The following C13orf46 variants were observed in gnomAD, a reference collection of about 807,000 sequenced individuals.
C13orf46 encodes the protein chromosome 13 open reading frame 46, also known as uncharacterized protein C13orf46.
At chr13:113,941,500 G>C in the C13orf46 span, among the ~76,000 whole-genome samples, 17 of 150,704 alleles carry the variant, frequency 1.1e-4, no homozygotes, top group Admixed American at 9.9e-4. Flanking sequence ...CTGAGCGTTC[G>C]AGACCCTGAT....
chr13:113,953,016 T>C (rs2052495567), downstream of C13orf46, among the ~76,000 whole-genome samples: 1 of 152,212 alleles, frequency 6.6e-6, no homozygotes, highest in African/African-American at 2.4e-5. Flanking sequence ...AAGCCCAGCC[T>C]CGTCCCCTCC....
chr13:113,945,620 G>GA, the C13orf46 span, among the ~76,000 whole-genome samples: 15 of 119,538 alleles, frequency 1.3e-4, 1 homozygote, highest in African/African-American at 2.9e-4. Context: ...AAGAAAGAAA[G>GA]AAAGAAAGAA....
Position 113,955,163 on chromosome 13 carries a change from A to AGGAGAGGAGCAGCATCTGGT in C13orf46, c.*1609_*1610insACCAGATGCTGCTCCTCTCC. The AGGAGAGGAGCAGCATCTGGT allele has an allele frequency of 5.3e-6, 1 of 188,904 alleles. No homozygotes were observed. The highest frequency in any genetic ancestry group is 9.9e-6 in the Non-Finnish European group (1 of 100,826). The allele number at this position is 188,904 out of a possible 1,614,324, so 11.7% of individuals were successfully genotyped here. A position where few individuals can be genotyped will look rare whatever the true frequency, so the allele number is the denominator to read the frequency against. On this transcript the variant is annotated 3_prime_UTR_variant, in exon 7 of 7. Coordinates refer to ENST00000636427, the MANE Select transcript of C13orf46 (RefSeq NM_001365455.2). Reference sequence around the variant, plus strand: ...TCCGGTGGAGATGAGGAGCATCTCGAGGAGAGGAGGAGCATCTGGTGGAGA... The same window carrying AGGAGAGGAGCAGCATCTGGT: ...TCCGGTGGAGATGAGGAGCATCTCGAGGAGAGGAGCAGCATCTGGTGGAGAGGAGGAGCATCTGGTGGAGA...
intron 6 of C13orf46, among the ~76,000 whole-genome samples, chr13:113,960,583 C>A (rs1407329416): frequency 6.6e-6 from 1 of 152,220 alleles, no homozygotes; most frequent in African/African-American, 2.4e-5. Flanking sequence ...AGTTCTAACT[C>A]TGCTGTTTAA....
At chr13:113,961,179 C>T (rs2138982322) in intron 6 of C13orf46, among the ~76,000 whole-genome samples, 1 of 152,262 alleles carries the variant, frequency 6.6e-6, no homozygotes, top group African/African-American at 2.4e-5. Flanking sequence ...TAAACAATTA[C>T]ATTTGGTAAA....
At chr13:113,964,738 G>A (rs1373959112) in intron 6 of C13orf46, among the ~76,000 whole-genome samples, 189 bp downstream of exon 6, 2 of 152,298 alleles carry the variant, frequency 1.3e-5, no homozygotes, top group East Asian at 3.9e-4. Context: ...AAGGTCCGAT[G>A]TCCTGTTCCC....
intron 6 of C13orf46, among the ~76,000 whole-genome samples, chr13:113,963,361 G>A (rs1199910491): frequency 4.1e-5 from 1 of 24,188 alleles, no homozygotes; most frequent in East Asian, 7.2e-4. Flanking sequence ...GCCTCGGCCC[G>A]TCCTCAGCCT....
At chr13:113,930,410 A>C in the C13orf46 span, among the ~76,000 whole-genome samples, 1 of 115,002 alleles carries the variant, frequency 8.7e-6, no homozygotes, top group African/African-American at 3.3e-5. Flanking sequence ...GCGGGGGCGC[A>C]GGAGCACCGA....
Position 113,955,853 on chromosome 13 carries a change from G to A in C13orf46, c.*920C>T, listed in dbSNP as rs1218275770. 9.8e-5 allele frequency: 15 copies of A among 152,468 alleles called. No individual in the cohort carries two copies. The highest frequency in any genetic ancestry group is 2.1e-4 in the East Asian group (1 of 4,712). The allele number at this position is 152,468 out of a possible 1,614,324, so 9.4% of individuals were successfully genotyped here. ...GGAGACGAGGAGCATCTCGAGGAGA[G>A]GAGGAGCATCTCGAGGAGAGGAGGA... On this transcript the variant is annotated 3_prime_UTR_variant, in exon 7 of 7. Transcript: ENST00000636427.
At chr13:113,959,370 CTGAT>C (rs1351545854) in intron 6 of C13orf46, among the ~76,000 whole-genome samples, 1 of 152,086 alleles carries the variant, frequency 6.6e-6, no homozygotes, top group African/African-American at 2.4e-5. Context: ...GTGAGGTTGT[CTGAT>C]TGGGTAGAAT....
chr13:113,972,070 G>C (rs2052712714), intron 1 of C13orf46, among the ~76,000 whole-genome samples: 1 of 152,146 alleles, frequency 6.6e-6, no homozygotes. Context: ...GTGCAGTTTT[G>C]GGCAAATCCA....
chr13:113,947,113 G>A, the C13orf46 span, among the ~76,000 whole-genome samples: 1 of 152,276 alleles, frequency 6.6e-6, no homozygotes, highest in Non-Finnish European at 1.5e-5. Flanking sequence ...GGAGCGGGAA[G>A]CCTGAAGATT....
At chr13:113,929,648 G>C in the C13orf46 span, among the ~76,000 whole-genome samples, 1 of 152,226 alleles carries the variant, frequency 6.6e-6, no homozygotes. Flanking sequence ...CGCGCTGTGA[G>C]TGACTGCCTG....
At chr13:113,945,670 A>AAGAAAGAAAGAAAG in the C13orf46 span, among the ~76,000 whole-genome samples, 2 of 135,870 alleles carry the variant, frequency 1.5e-5, no homozygotes, top group East Asian at 4.1e-4. Context: ...GAAAGAAAGA[A>AAGAAAGAAAGAAAG]AGGAAAGAAA....
chr13:113,945,187 G>A, the C13orf46 span, among the ~76,000 whole-genome samples: 4 of 152,038 alleles, frequency 2.6e-5, no homozygotes, highest in Admixed American at 2.6e-4. Context: ...ATGGGCCCTC[G>A]GATGTGTGAT....
At chr13:113,960,120 G>GACCACCAT (rs2052575851) in intron 6 of C13orf46, among the ~76,000 whole-genome samples, 1 of 152,100 alleles carries the variant, frequency 6.6e-6, no homozygotes, top group Non-Finnish European at 1.5e-5. Context: ...AGCCAGACAT[G>GACCACCAT]GTGGTGGGCG....
the C13orf46 span, among the ~76,000 whole-genome samples, chr13:113,930,847 C>T: frequency 2.0e-5 from 3 of 152,184 alleles, no homozygotes; most frequent in East Asian, 1.9e-4. Flanking sequence ...AGCTGAGGCC[C>T]GGGTGGTCCT....
chr13:113,938,179 G>T, the C13orf46 span, among the ~76,000 whole-genome samples: 1 of 152,114 alleles, frequency 6.6e-6, no homozygotes, highest in Non-Finnish European at 1.5e-5. Context: ...CGCCTCTCTG[G>T]ACCCAATAAT....
At chr13:113,945,673 G>A in the C13orf46 span, among the ~76,000 whole-genome samples, 104 of 116,192 alleles carry the variant, frequency 9.0e-4, 3 homozygotes, top group African/African-American at 1.9e-3. Flanking sequence ...AGAAAGAAAG[G>A]AAAGAAAAAC....
Sources: allele counts gnomAD v4.1 joint callset (sites outside exome capture counted in the v4.1 genomes callset), GRCh38; gene constraint gnomAD v4.1.1; transcripts MANE v1.5; gene names NCBI Gene and HGNC (gene_info 2026-07-23, HGNC 2026-07-21).